The following PTPRS variants were observed in gnomAD, a reference collection of about 807,000 sequenced individuals.
PTPRS encodes receptor-type tyrosine-protein phosphatase S.
A neutral mutation model predicts 215.3 loss-of-function variants in PTPRS; 63 were observed. The observed-to-expected ratio is 0.29, with a 90% CI of 0.24 to 0.36. PTPRS has a LOEUF of 0.36. Among genes scored for constraint, PTPRS ranks in the 10% least tolerant of loss-of-function variants. The pLI, the probability that PTPRS is intolerant of heterozygous loss-of-function variation, is 1.00. For synonymous variants in PTPRS, 1,404 were observed against 1,191.4 expected, an observed-to-expected ratio of 1.18 and a Z score of -3.68; for missense variants, 2,258 against 2,825.8, an observed-to-expected ratio of 0.80 and a Z score of 4.56.
chr19:5,319,761 C>G (rs970276365), intron 1 of PTPRS, among the ~76,000 whole-genome samples: 1 of 151,982 alleles, frequency 6.6e-6, no homozygotes, highest in Non-Finnish European at 1.5e-5. Context: ...CTGGAATGCT[C>G]TTCCCCCACG....
At chr19:5,329,135 G>T (rs1319990497) in intron 1 of PTPRS, among the ~76,000 whole-genome samples, 1 of 152,084 alleles carries the variant, frequency 6.6e-6, no homozygotes, top group African/African-American at 2.4e-5. Context: ...GGGTGGCCTG[G>T]CCAGAAACAG....
At chr19:5,274,519 C>T (rs2047191060) in intron 2 of PTPRS, among the ~76,000 whole-genome samples, 175 bp from the exon 3 acceptor site, 1 of 152,214 alleles carries the variant, frequency 6.6e-6, no homozygotes. Context: ...CCTCGCCCCC[C>T]ACCACGGCAC....
intron 1 of PTPRS, 25 bp downstream of exon 1, chr19:5,340,639 A>C (rs1265943752): frequency 7.5e-6 from 1 of 133,806 alleles, no homozygotes; most frequent in Non-Finnish European, 1.6e-5. Context: ...CTAATCCATG[A>C]TTTTATTTTT....
rs2045676314 is a variant in PTPRS, at chr19:5,257,738, C to T, written c.706+279G>A. Among the ~76,000 whole-genome samples, 1 of 152,222 alleles carries T rather than the reference C, an allele frequency of 6.6e-6. No individual in the cohort carries two copies. Among genetic ancestry groups the T allele is most frequent in the Admixed American group, 6.5e-5 (1 of 15,294 alleles). On this transcript the variant is annotated intron_variant, in intron 8 of 37. Coordinates refer to ENST00000262963, the MANE Select transcript of PTPRS (RefSeq NM_002850.4). The surrounding 1 kb of genome is among the most constrained non-coding windows in gnomAD (Gnocchi z 4.4). ...CTGACCCCCTCACCCTGCCCCACGC[C>T]TTCCTACCCCACCATCACTGCCTCC...
At chr19:5,289,282 C>G (rs2048617604) in intron 1 of PTPRS, among the ~76,000 whole-genome samples, 1 of 152,170 alleles carries the variant, frequency 6.6e-6, no homozygotes, top group Non-Finnish European at 1.5e-5. Flanking sequence ...CCTTCAGAAT[C>G]TGTCCCCAAC....
intron 1 of PTPRS, among the ~76,000 whole-genome samples, chr19:5,302,682 G>A (rs1212987580): frequency 1.3e-5 from 2 of 152,106 alleles, no homozygotes; most frequent in Non-Finnish European, 2.9e-5. Flanking sequence ...TTGCTGGTGT[G>A]TGCAGCTCTG....
In PTPRS at chr19:5,244,418, C is replaced by A. The variant is rs762796973; in HGVS notation, c.1053G>T (p.Thr351=). ...TENTATSITI[T]WDSGNPDPVS... Reference sequence around the variant, plus strand: ...CAGGATCTGGGTTGCCCGAGTCCCACGTGATGGTGATGCTGGTGGCTGTGT... The same window carrying A: ...CAGGATCTGGGTTGCCCGAGTCCCAAGTGATGGTGATGCTGGTGGCTGTGT... Residue 351 remains threonine, a synonymous_variant, in exon 11 of 38, where the codon ACG becomes ACT. Coordinates refer to ENST00000262963, the MANE Select transcript of PTPRS (RefSeq NM_002850.4). This position sits in a 1 kb window ranked among gnomAD's most constrained non-coding sequence, Gnocchi z 7.2. The A allele has an allele frequency of 6.2e-7, 1 of 1,614,182 alleles. No individual in the cohort carries two copies. The highest frequency in any genetic ancestry group is 1.1e-5 in the South Asian group (1 of 91,088).
intron 11 of PTPRS, among the ~76,000 whole-genome samples, chr19:5,243,542 T>G (rs1353297653): frequency 6.6e-6 from 1 of 151,490 alleles, no homozygotes; most frequent in Admixed American, 6.6e-5. Flanking sequence ...TGCAGTGGCA[T>G]GATCTCAGCT....
rs999203778 is a variant in PTPRS, at chr19:5,293,528, G to A, written c.-94-7294C>T. 1.3e-5 allele frequency among the ~76,000 whole-genome samples: 2 copies of A among 152,164 alleles called. No homozygotes were observed. On this transcript the variant is annotated intron_variant, in intron 1 of 37. Transcript: ENST00000262963. This position sits in a 1 kb window ranked among gnomAD's most constrained non-coding sequence, Gnocchi z 8.4. ...CCTCCCTCCCGAAGACGTCTCACGG[G>A]GAGCCTCTACACTGCTCCTCGCTTC... is the stretch of plus-strand genomic sequence containing the variant.
In PTPRS at chr19:5,221,285, G is replaced by A. The variant is rs200063281; in HGVS notation, c.3202-32C>T. The A allele has an allele frequency of 3.5e-5, 55 of 1,592,996 alleles. No homozygotes were observed. The African/African-American group carries it at 6.0e-4, about 17-fold the overall frequency. Reference sequence around the variant, plus strand: ...ACCAGGGCTAGCTCAGCAGGGCCTGGTGGGCTCATGCCCATGGACTGAGCC... The same window carrying A: ...ACCAGGGCTAGCTCAGCAGGGCCTGATGGGCTCATGCCCATGGACTGAGCC... On this transcript the variant is annotated intron_variant, in intron 19 of 37. Transcript: ENST00000262963.
Position 5,216,764 on chromosome 19 carries a change from G to T in PTPRS, c.4052C>A (p.Ser1351Ter). 6.4e-7 allele frequency: 1 copy of T among 1,567,314 alleles called. No individual in the cohort carries two copies. Among genetic ancestry groups the T allele is most frequent in the Non-Finnish European group, 8.7e-7 (1 of 1,153,502 alleles). Reference sequence around the variant, plus strand: ...CTCCCTGAGGGGGCTCCTGAGGCCTGAATCTGCAAACAGCAAACAATAAAT... The same window carrying T: ...CTCCCTGAGGGGGCTCCTGAGGCCTTAATCTGCAAACAGCAAACAATAAAT... ...MRRINFQTPD[S>*]GLRSPLREPG... The change falls in exon 26 of 38, where the codon TCA becomes TAA. Residue 1351 changes from serine to a stop codon, truncating the protein, a stop_gained. Coordinates refer to ENST00000262963, the MANE Select transcript of PTPRS (RefSeq NM_002850.4). LOFTEE classifies it high-confidence loss of function.
intron 1 of PTPRS, among the ~76,000 whole-genome samples, chr19:5,313,532 G>A (rs1389110834): frequency 6.6e-6 from 1 of 152,190 alleles, no homozygotes; most frequent in Non-Finnish European, 1.5e-5. Context: ...GGGCAGGCCT[G>A]GCCGGGGCCG....
intron 12 of PTPRS, among the ~76,000 whole-genome samples, chr19:5,239,759 G>C (rs907533200): frequency 6.6e-6 from 1 of 151,968 alleles, no homozygotes; most frequent in Admixed American, 6.6e-5. Flanking sequence ...GAGACAGAAA[G>C]AGAGGCAGAG....
chr19:5,303,775 C>A (rs1481411708), intron 1 of PTPRS, among the ~76,000 whole-genome samples: 1 of 151,774 alleles, frequency 6.6e-6, no homozygotes, highest in Admixed American at 6.6e-5. Flanking sequence ...CATGGTGAAA[C>A]CCTGTCTCTA....
chr19:5,219,014 G>A (rs2041742615), intron 23 of PTPRS: 1 of 634,110 alleles, frequency 1.6e-6, no homozygotes, highest in Non-Finnish European at 2.7e-6. Context: ...GTGCCCCATG[G>A]GGCCACTACA....
intron 4 of PTPRS, among the ~76,000 whole-genome samples, chr19:5,270,285 C>G (rs963159344): frequency 7.7e-6 from 1 of 129,316 alleles, no homozygotes; most frequent in Non-Finnish European, 1.6e-5. Context: ...TCTTTTCTTC[C>G]CCCTCCCCCC....
At chr19:5,315,696 T>TG (rs987774383) in intron 1 of PTPRS, among the ~76,000 whole-genome samples, 10 of 151,052 alleles carry the variant, frequency 6.6e-5, no homozygotes, top group African/African-American at 2.2e-4. Flanking sequence ...CTTGCTATGT[T>TG]GCCCCACCTG....
intron 17 of PTPRS, among the ~76,000 whole-genome samples, chr19:5,224,759 A>T (rs2042323557): frequency 6.6e-6 from 1 of 152,146 alleles, no homozygotes; most frequent in South Asian, 2.1e-4. Context: ...AGATCACAGG[A>T]GGCTGCTTGG....
At chr19:5,215,264 T>C (rs749062332) in intron 28 of PTPRS, 25 bp downstream of exon 28, 2 of 1,612,082 alleles carry the variant, frequency 1.2e-6, no homozygotes, top group Non-Finnish European at 1.7e-6. Flanking sequence ...GAAGGGCAGG[T>C]TAAGACCCGG....
Sources: allele counts gnomAD v4.1 joint callset (sites outside exome capture counted in the v4.1 genomes callset), GRCh38; gene constraint gnomAD v4.1.1; non-coding constraint Gnocchi (gnomAD v3.1); transcripts MANE v1.5; gene names NCBI Gene and HGNC (gene_info 2026-07-23, HGNC 2026-07-21).